The following PRUNE1 variants were observed in gnomAD, a reference collection of about 807,000 sequenced individuals.
PRUNE1 encodes prune exopolyphosphatase 1.
Under a neutral mutation model 42.5 loss-of-function variants are expected in PRUNE1, and 25 were observed. That is an observed-to-expected ratio of 0.59 (90% CI 0.43 to 0.82). The LOEUF is 0.82. Ranked by LOEUF, PRUNE1 falls within the 40% of genes least tolerant of loss-of-function variation. The pLI is 0.00. For synonymous variants in PRUNE1, 203 were observed against 217.1 expected (o/e 0.93, Z 0.57); for missense variants, 443 against 539.3 (o/e 0.82, Z 1.77).
intron 7 of PRUNE1, 21 bp from the exon 8 acceptor site, chr1:151,033,785 C>T (rs1364102449): frequency 6.3e-7 from 1 of 1,596,230 alleles, no homozygotes; most frequent in African/African-American, 1.3e-5. Flanking sequence ...TATCATTTCC[C>T]TGTTATTGTC....
chr1:151,023,713 G>A (rs1387970631), intron 3 of PRUNE1, among the ~76,000 whole-genome samples: 10 of 145,152 alleles, frequency 6.9e-5, no homozygotes, highest in South Asian at 4.4e-4. Flanking sequence ...GCGAGATTCC[G>A]TCTTAGAAAA....
chr1:151,015,794 C>A (rs895588533), intron 1 of PRUNE1, among the ~76,000 whole-genome samples: 9 of 151,914 alleles, frequency 5.9e-5, no homozygotes, highest in African/African-American at 2.2e-4. Flanking sequence ...CAGAGTGAGA[C>A]CCTGTCTCAA....
intron 6 of PRUNE1, among the ~76,000 whole-genome samples, 167 bp downstream of exon 6, chr1:151,027,494 G>A (rs991691034): frequency 1.2e-4 from 18 of 151,908 alleles, no homozygotes; most frequent in Admixed American, 2.6e-4. Context: ...TCACTGCACC[G>A]CTGTATTAGC....
In PRUNE1 at chr1:151,018,518, G is replaced by C; in HGVS notation, c.184G>C (p.Glu62Gln). 6.2e-7 allele frequency: 1 copy of C among 1,613,812 alleles called. No individual in the cohort carries two copies. Residue 62 changes from glutamate (E) to glutamine (Q), a missense_variant, in exon 3 of 8, where the codon GAA becomes CAA. By Grantham distance (29) the Glu-to-Gln change is conservative. Coordinates refer to ENST00000271620, the MANE Select transcript of PRUNE1 (RefSeq NM_021222.3). The part of the protein sequence containing the change: ...FVPVLNIKRS[E>Q]LPLRGDIVFF... ...GCCAGTTTTAAATATAAAACGTTCT[G>C]AACTACCTCTGCGAGGTGACATTGT...
chr1:151,022,543 C>G (rs915664878), intron 3 of PRUNE1, among the ~76,000 whole-genome samples: 1 of 151,754 alleles, frequency 6.6e-6, no homozygotes, highest in African/African-American at 2.4e-5. Context: ...CTCAGCCTCC[C>G]GAGTAGCTGG....
intron 7 of PRUNE1, among the ~76,000 whole-genome samples, chr1:151,032,675 C>T (rs1675307256): frequency 6.8e-6 from 1 of 147,946 alleles, no homozygotes; most frequent in Non-Finnish European, 1.5e-5. Flanking sequence ...GATTGCACCA[C>T]TGCACTCCAG....
chr1:151,033,052 G>A (rs587702301), intron 7 of PRUNE1, among the ~76,000 whole-genome samples: 2 of 151,434 alleles, frequency 1.3e-5, no homozygotes, highest in African/African-American at 4.8e-5. Context: ...GGGATTACAG[G>A]CGTGAGCCAC....
Position 151,033,827 on chromosome 1 carries a change from T to G in PRUNE1, c.955T>G (p.Ser319Ala), listed in dbSNP as rs1218087142. ...TTAGATCTGTGAAGTCCTGGAACGCTCCCACTCTCCACCCCTGAAGCTGAC... is the reference window on the plus strand; with the variant it reads ...TTAGATCTGTGAAGTCCTGGAACGCGCCCACTCTCCACCCCTGAAGCTGAC... ...QTTICEVLER[S>A]HSPPLKLTPA... The change falls in exon 8 of 8, where the codon TCC becomes GCC. Residue 319 changes from serine to alanine, a missense_variant. Transcript: ENST00000271620. The G allele has an allele frequency of 6.2e-7, 1 of 1,613,792 alleles. No individual in the cohort carries two copies. The highest frequency in any genetic ancestry group is 8.5e-7 in the Non-Finnish European group (1 of 1,179,882).
Position 151,008,458 on chromosome 1 carries a change from C to T in PRUNE1, c.-175C>T, listed in dbSNP as rs1673467058. ...CGCCGGACTCCGGAGCGCCCGCTTA[C>T]GCAGTTCCTCCCGGGGTCGGAGGCC... On this transcript the variant is annotated 5_prime_UTR_variant, in exon 1 of 8. The change creates a new upstream start codon in the 5' untranslated region. Coordinates refer to ENST00000271620, the MANE Select transcript of PRUNE1 (RefSeq NM_021222.3). The T allele has an allele frequency of 9.1e-7, 1 of 1,102,300 alleles. No homozygotes were observed. The highest frequency in any genetic ancestry group is 1.6e-5 in the African/African-American group (1 of 63,764). 68.3% of individuals were successfully genotyped at this position (1,102,300 alleles called of 1,614,324 possible).
intron 3 of PRUNE1, among the ~76,000 whole-genome samples, chr1:151,024,204 A>T (rs1223211619): frequency 7.1e-6 from 1 of 140,922 alleles, no homozygotes; most frequent in African/African-American, 2.6e-5. Flanking sequence ...AAAAAAAAAA[A>T]GAATTGAGAG....
At chr1:151,031,836 G>A (rs1236190496) in intron 7 of PRUNE1, among the ~76,000 whole-genome samples, 41 of 151,956 alleles carry the variant, frequency 2.7e-4, no homozygotes, top group Non-Finnish European at 1.2e-4. Context: ...GGGTTCCTCG[G>A]TTCTGGTTTA....
intron 3 of PRUNE1, among the ~76,000 whole-genome samples, chr1:151,020,751 G>T (rs587683300): frequency 6.6e-6 from 1 of 152,096 alleles, no homozygotes; most frequent in Non-Finnish European, 1.5e-5. Context: ...GGAGGCTGAG[G>T]GGGGCGGATC....
At chr1:151,023,328 A>G (rs1674595504) in intron 3 of PRUNE1, among the ~76,000 whole-genome samples, 1 of 152,194 alleles carries the variant, frequency 6.6e-6, no homozygotes. Flanking sequence ...GTGGGGCAGT[A>G]ACAGAGAGTT....
intron 1 of PRUNE1, among the ~76,000 whole-genome samples, chr1:151,016,853 A>G (rs879553062): frequency 2.0e-5 from 3 of 151,660 alleles, no homozygotes; most frequent in Non-Finnish European, 4.4e-5. Flanking sequence ...TTCACCTGCA[A>G]TCATGATTTA....
chr1:151,020,928 G>C (rs1276583783), intron 3 of PRUNE1, among the ~76,000 whole-genome samples: 1 of 151,522 alleles, frequency 6.6e-6, no homozygotes, highest in Non-Finnish European at 1.5e-5. Flanking sequence ...CTTTCAGTGA[G>C]CTGAGATCAT....
chr1:151,033,096 T>G (rs986662685), intron 7 of PRUNE1, among the ~76,000 whole-genome samples: 3 of 145,856 alleles, frequency 2.1e-5, no homozygotes, highest in African/African-American at 7.7e-5. Flanking sequence ...TACTTTTTTT[T>G]TTTTTTGAGA....
intron 1 of PRUNE1, among the ~76,000 whole-genome samples, chr1:151,013,230 A>G (rs142007680): frequency 0.018 from 2,808 of 152,296 alleles, 102 homozygotes; most frequent in African/African-American, 0.064. Flanking sequence ...GAATGTGCAC[A>G]TCATGGTTTG....
intron 1 of PRUNE1, among the ~76,000 whole-genome samples, chr1:151,013,025 A>C (rs1383677360): frequency 3.9e-5 from 6 of 152,264 alleles, no homozygotes; most frequent in African/African-American, 1.4e-4. Flanking sequence ...GGCCTCCCAA[A>C]GTGCTGGGAT....
At chr1:151,014,669 T>C (rs977317584) in intron 1 of PRUNE1, among the ~76,000 whole-genome samples, 5 of 152,186 alleles carry the variant, frequency 3.3e-5, no homozygotes, top group Non-Finnish European at 5.9e-5. Context: ...TTTGCTAAAC[T>C]CTTGAGTCTA....
Sources: allele counts gnomAD v4.1 joint callset (sites outside exome capture counted in the v4.1 genomes callset), GRCh38; gene constraint gnomAD v4.1.1; transcripts MANE v1.5; gene names NCBI Gene and HGNC (gene_info 2026-07-23, HGNC 2026-07-21).